Variants in SHISA9 observed in about 807,000 individuals in gnomAD.
SHISA9 encodes the protein protein shisa-9.
SHISA9 carries 13 observed loss-of-function variants against 38.0 expected under a neutral mutation model. The observed-to-expected ratio is 0.34, with a 90% CI of 0.22 to 0.54. SHISA9 has a LOEUF of 0.54. Among genes scored for constraint, SHISA9 ranks in the 20% least tolerant of loss-of-function variants. The pLI is 0.91. For synonymous variants in SHISA9, 275 were observed against 242.0 expected (o/e 1.14, Z -1.27); for missense variants, 538 against 575.8 (o/e 0.93, Z 0.67).
At chr16:12,955,003 C>T (rs768686212) in intron 2 of SHISA9, among the ~76,000 whole-genome samples, 1 of 151,954 alleles carries the variant, frequency 6.6e-6, no homozygotes, top group Non-Finnish European at 1.5e-5. Flanking sequence ...TAGCCTGGTA[C>T]AGGGTTATCT....
chr16:13,012,590 C>T (rs574225625), intron 2 of SHISA9, among the ~76,000 whole-genome samples: 1 of 152,154 alleles, frequency 6.6e-6, no homozygotes, highest in Non-Finnish European at 1.5e-5. Flanking sequence ...TGGTACTAAA[C>T]AAGCTACCTT....
chr16:13,403,429 GGATGATTGGATGAATGAGTGAC>G, the SHISA9 span, among the ~76,000 whole-genome samples: 1 of 152,202 alleles, frequency 6.6e-6, no homozygotes, highest in Non-Finnish European at 1.5e-5. Flanking sequence ...ATGAATGGAT[GGATGATTGGATGAATGAGTGAC>G]TCTGCAGGAT....
At chr16:12,927,128 C>G (rs1415418535) in intron 2 of SHISA9, among the ~76,000 whole-genome samples, 1 of 151,986 alleles carries the variant, frequency 6.6e-6, no homozygotes, top group African/African-American at 2.4e-5. Context: ...AGTAACATTA[C>G]TAATATCGTA....
chr16:12,938,020 C>T (rs1178692378), intron 2 of SHISA9, among the ~76,000 whole-genome samples: 1 of 152,196 alleles, frequency 6.6e-6, no homozygotes, highest in Non-Finnish European at 1.5e-5. Context: ...CCTTGAGGAG[C>T]ATACAGAGAT....
the SHISA9 span, among the ~76,000 whole-genome samples, chr16:13,269,929 G>GCC: frequency 9.1e-4 from 139 of 152,260 alleles, no homozygotes; most frequent in Admixed American, 3.5e-3. Flanking sequence ...CCTCTTTAAA[G>GCC]TTCCCCACTA....
the SHISA9 span, among the ~76,000 whole-genome samples, chr16:13,257,415 T>C: frequency 1.3e-5 from 2 of 152,186 alleles, no homozygotes; most frequent in East Asian, 1.9e-4. Context: ...CCATAAGGCA[T>C]TAAGTAGCTA....
chr16:13,023,354 C>CT (rs2072881233), intron 2 of SHISA9, among the ~76,000 whole-genome samples: 3 of 152,100 alleles, frequency 2.0e-5, no homozygotes, highest in Admixed American at 6.6e-5. Flanking sequence ...TGAACTCATC[C>CT]TTTTTTATGG....
At chr16:12,952,337 C>T (rs2071769120) in intron 2 of SHISA9, among the ~76,000 whole-genome samples, 1 of 152,214 alleles carries the variant, frequency 6.6e-6, no homozygotes, top group Admixed American at 6.5e-5. Flanking sequence ...GGCACGGTCC[C>T]TCCTCACAAA....
chr16:13,115,072 C>A lies in SHISA9; in HGVS notation c.692-88322C>A, dbSNP rs138643616. ...ACCATTATCATATTTATGTATCTAC[C>A]TGTTTTTCATTTTGCTGGCTGCCTA... On this transcript the variant is annotated intron_variant, in intron 2 of 4. Coordinates refer to ENST00000558583, the MANE Select transcript of SHISA9 (RefSeq NM_001145204.3). Among the ~76,000 whole-genome samples the A allele has an allele frequency of 5.9e-5, 9 of 152,222 alleles. No individual in the cohort carries two copies. In the East Asian group the frequency reaches 7.7e-4, roughly 13 times the overall value.
intron 2 of SHISA9, among the ~76,000 whole-genome samples, chr16:13,146,675 C>G (rs138747458): frequency 1.3e-5 from 2 of 152,156 alleles, no homozygotes; most frequent in African/African-American, 4.8e-5. Context: ...TTATATGAAG[C>G]AACAGAAGTA....
At chr16:13,240,603 G>T (rs1319000981), downstream of SHISA9, among the ~76,000 whole-genome samples, 1 of 152,174 alleles carries the variant, frequency 6.6e-6, no homozygotes, top group Non-Finnish European at 1.5e-5. Context: ...CTTTGTGTTT[G>T]AAGCGTTTTT....
At chr16:13,078,658 GGTCTCCCAAGGTACTGGGATTACAGGC>G (rs2073612240) in intron 2 of SHISA9, among the ~76,000 whole-genome samples, 1 of 152,104 alleles carries the variant, frequency 6.6e-6, no homozygotes, top group Non-Finnish European at 1.5e-5. Flanking sequence ...CGCCCACCTT[GGTCTCCCAAGGTACTGGGATTACAGGC>G]GTGAGCTACC....
the SHISA9 span, among the ~76,000 whole-genome samples, chr16:13,518,924 G>T: frequency 6.6e-6 from 1 of 152,100 alleles, no homozygotes; most frequent in African/African-American, 2.4e-5. Context: ...AAAAGGGGGT[G>T]AACTTTCCTA....
chr16:13,497,637 A>T, the SHISA9 span, among the ~76,000 whole-genome samples: 66 of 147,792 alleles, frequency 4.5e-4, 1 homozygote, highest in South Asian at 0.013. Flanking sequence ...GTGAACCGAG[A>T]TTGCACCACT....
intron 2 of SHISA9, among the ~76,000 whole-genome samples, chr16:12,933,476 G>A (rs888493500): frequency 6.6e-6 from 1 of 152,040 alleles, no homozygotes; most frequent in Non-Finnish European, 1.5e-5. Context: ...TGTACTTTTA[G>A]TAGGATGGGG....
intron 2 of SHISA9, among the ~76,000 whole-genome samples, chr16:13,059,564 C>T (rs2073350665): frequency 1.3e-5 from 2 of 151,966 alleles, no homozygotes; most frequent in African/African-American, 2.4e-5. Flanking sequence ...CAAATACATG[C>T]GGGGGGTCTT....
At chr16:13,292,900 T>C in the SHISA9 span, among the ~76,000 whole-genome samples, 5 of 152,140 alleles carry the variant, frequency 3.3e-5, no homozygotes, top group East Asian at 3.9e-4. Flanking sequence ...ATAAAGTAAA[T>C]ATATTTGCTT....
At chr16:13,356,008 T>C in the SHISA9 span, among the ~76,000 whole-genome samples, 1 of 152,186 alleles carries the variant, frequency 6.6e-6, no homozygotes, top group Non-Finnish European at 1.5e-5. Context: ...CTTGGCCCAG[T>C]GGCCAGATTT....
At chr16:13,054,110 C>T (rs2073283702) in intron 2 of SHISA9, among the ~76,000 whole-genome samples, 1 of 152,104 alleles carries the variant, frequency 6.6e-6, no homozygotes, top group South Asian at 2.1e-4. Context: ...GTATGTCTTC[C>T]CTATTAGAAT....
Sources: gnomAD v4.1 joint callset for allele counts (sites outside exome capture counted in the v4.1 genomes callset) on GRCh38, gnomAD v4.1.1 for gene constraint, MANE v1.5 for transcripts, NCBI Gene and HGNC (gene_info 2026-07-23, HGNC 2026-07-21) for gene names.